Variants in GALNT17 observed in about 807,000 individuals in gnomAD.
GALNT17 encodes the protein UDP-GalNAc:polypeptide N-acetylgalactosaminyltransferase-like 3.
In GALNT17, 29 loss-of-function variants were observed where a neutral mutation model predicts 63.7. The observed-to-expected ratio is 0.46, with a 90% CI of 0.34 to 0.62. The LOEUF is 0.62. Ranked by LOEUF, GALNT17 falls within the 20% of genes least tolerant of loss-of-function variation. GALNT17 has a pLI of 0.01. For missense variants in GALNT17, 603 were observed against 799.6 expected (o/e 0.75, Z 2.97); for synonymous variants, 305 against 318.3 (o/e 0.96, Z 0.45).
intron 1 of GALNT17, among the ~76,000 whole-genome samples, chr7:71,218,200 C>T (rs1789520842): frequency 6.6e-6 from 1 of 152,078 alleles, no homozygotes; most frequent in South Asian, 2.1e-4. Context: ...TGGAGGCCAG[C>T]CTGGCCAACA....
intron 6 of GALNT17, among the ~76,000 whole-genome samples, chr7:71,579,749 C>G (rs1056639298): frequency 3.9e-5 from 6 of 152,212 alleles, no homozygotes; most frequent in Admixed American, 2.6e-4. Flanking sequence ...CGACAACCAT[C>G]AAGGTGGGGC....
chr7:71,165,561 G>A (rs965738634), intron 1 of GALNT17, among the ~76,000 whole-genome samples: 5 of 152,102 alleles, frequency 3.3e-5, no homozygotes, highest in East Asian at 1.9e-4. Context: ...CAATAGCACC[G>A]GAAAGATCTG....
At chr7:71,466,105 G>C (rs1384214897) in intron 5 of GALNT17, among the ~76,000 whole-genome samples, 2 of 152,188 alleles carry the variant, frequency 1.3e-5, no homozygotes. Flanking sequence ...GGCCACTTCT[G>C]TCAGCTGACC....
chr7:71,175,573 T>C (rs984205368), intron 1 of GALNT17, among the ~76,000 whole-genome samples: 6 of 152,096 alleles, frequency 3.9e-5, no homozygotes, highest in Admixed American at 2.0e-4. Flanking sequence ...GGAATGGAGT[T>C]TGGGAAGACT....
chr7:71,408,301 G>A (rs567968740), intron 3 of GALNT17, among the ~76,000 whole-genome samples: 2 of 152,218 alleles, frequency 1.3e-5, no homozygotes, highest in South Asian at 2.1e-4. Context: ...CTATGTTCTC[G>A]TCCCCAGCTG....
intron 6 of GALNT17, among the ~76,000 whole-genome samples, chr7:71,640,417 A>T (rs530668098): frequency 2.0e-5 from 3 of 152,120 alleles, no homozygotes; most frequent in Non-Finnish European, 4.4e-5. Context: ...ATCATATCTG[A>T]GTCTGTAAAC....
At chr7:71,359,186 A>G (rs183497235) in intron 2 of GALNT17, among the ~76,000 whole-genome samples, 48 of 152,340 alleles carry the variant, frequency 3.2e-4, no homozygotes, top group Non-Finnish European at 4.4e-5. Flanking sequence ...TGGATACTTT[A>G]TAAAGAAAAG....
chr7:71,202,093 A>C (rs775854653), intron 1 of GALNT17, among the ~76,000 whole-genome samples: 2 of 152,190 alleles, frequency 1.3e-5, no homozygotes, highest in Non-Finnish European at 2.9e-5. Flanking sequence ...TCTTTTATTC[A>C]TTCCTTTCCC....
At chr7:71,537,606 G>A (rs1283902334) in intron 5 of GALNT17, among the ~76,000 whole-genome samples, 1 of 152,134 alleles carries the variant, frequency 6.6e-6, no homozygotes, top group African/African-American at 2.4e-5. Context: ...GATGTCAGGA[G>A]TTCAAGACCA....
chr7:71,534,598 C>CAAAAAAA (rs371592743), intron 5 of GALNT17, among the ~76,000 whole-genome samples: 1 of 108,294 alleles, frequency 9.2e-6, no homozygotes, highest in Non-Finnish European at 1.9e-5. Context: ...GACTCCATCT[C>CAAAAAAA]AAAAAAAAAA....
intron 1 of GALNT17, among the ~76,000 whole-genome samples, chr7:71,164,367 A>C (rs1788398633): frequency 6.6e-6 from 1 of 152,198 alleles, no homozygotes; most frequent in African/African-American, 2.4e-5. Flanking sequence ...CCTGACATTT[A>C]TCAGACAACC....
At chr7:71,548,407 A>G (rs1255008404) in intron 5 of GALNT17, among the ~76,000 whole-genome samples, 1 of 152,186 alleles carries the variant, frequency 6.6e-6, no homozygotes, top group East Asian at 1.9e-4. Context: ...CCTTGTGGCC[A>G]TGGGCCACAC....
chr7:71,190,937 C>T (rs1265237151), intron 1 of GALNT17, among the ~76,000 whole-genome samples: 2 of 152,102 alleles, frequency 1.3e-5, no homozygotes, highest in African/African-American at 4.8e-5. Context: ...CTGGCTTGAA[C>T]CTGAATTTTA....
At chr7:71,621,650 G>A (rs2116972595) in intron 6 of GALNT17, among the ~76,000 whole-genome samples, 1 of 152,220 alleles carries the variant, frequency 6.6e-6, no homozygotes, top group Non-Finnish European at 1.5e-5. Flanking sequence ...ACTGTGATAA[G>A]ATCATAACAT....
At position 71,705,122 on chromosome 7, in the gene GALNT17, T is replaced by A. The variant is rs542701520; in HGVS notation, c.1501-5639T>A. On this transcript the variant is annotated intron_variant, in intron 9 of 10. Transcript: ENST00000333538. ...ATTTGTACATCATATGTCAGAAAAATGTCTTAGTATCCAGAATATGTAAAG... is the reference window on the plus strand; with the variant it reads ...ATTTGTACATCATATGTCAGAAAAAAGTCTTAGTATCCAGAATATGTAAAG... Among the ~76,000 whole-genome samples, 7 of 152,156 alleles carry A rather than the reference T, an allele frequency of 4.6e-5. No individual in the cohort carries two copies. In the South Asian group the frequency reaches 1.5e-3, roughly 32 times the overall value.
At position 71,616,286 on chromosome 7, in the gene GALNT17, T is replaced by C. The variant is rs182673486; in HGVS notation, c.1080+44884T>C. On this transcript the variant is annotated intron_variant, in intron 6 of 10. Coordinates refer to ENST00000333538, the MANE Select transcript of GALNT17 (RefSeq NM_022479.3). ...GAAGACAAGTAAATTCCAGATTCTTTCCCCCCCGTCCTCTCAGAGACTTGA... is the reference window on the plus strand; with the variant it reads ...GAAGACAAGTAAATTCCAGATTCTTCCCCCCCCGTCCTCTCAGAGACTTGA... Among the ~76,000 whole-genome samples, 20 of 151,700 alleles carry C rather than the reference T, an allele frequency of 1.3e-4. No homozygotes were observed. The East Asian group carries it at 3.3e-3, about 25-fold the overall frequency.
chr7:71,427,664 A>T (rs1302065256), intron 5 of GALNT17, among the ~76,000 whole-genome samples: 1 of 151,858 alleles, frequency 6.6e-6, no homozygotes, highest in Non-Finnish European at 1.5e-5. Flanking sequence ...TCAACCCCTG[A>T]GTTGCGGACC....
intron 5 of GALNT17, among the ~76,000 whole-genome samples, chr7:71,567,401 G>A (rs1294934249): frequency 6.6e-6 from 1 of 152,232 alleles, no homozygotes; most frequent in Non-Finnish European, 1.5e-5. Flanking sequence ...CCTGCTCTGT[G>A]CACTGGGCCC....
intron 5 of GALNT17, among the ~76,000 whole-genome samples, chr7:71,461,528 G>C (rs543287915): frequency 6.6e-6 from 1 of 152,334 alleles, no homozygotes; most frequent in South Asian, 2.1e-4. Flanking sequence ...AAAGAACTTA[G>C]AGGAGCATTT....
Sources: gnomAD v4.1 joint callset for allele counts (sites outside exome capture counted in the v4.1 genomes callset) on GRCh38, gnomAD v4.1.1 for gene constraint, MANE v1.5 for transcripts, NCBI Gene and HGNC (gene_info 2026-07-23, HGNC 2026-07-21) for gene names.